The following FDPS variants were observed in gnomAD, a reference collection of about 807,000 sequenced individuals.
FDPS encodes farnesyl diphosphate synthase, also known as farnesyl pyrophosphate synthase.
Under a neutral mutation model 49.5 loss-of-function variants are expected in FDPS, and 29 were observed. The ratio of observed to expected loss-of-function variants is 0.59; its 90% CI spans 0.44 to 0.80. FDPS has a LOEUF of 0.80. Among genes scored for constraint, FDPS ranks in the 30% least tolerant of loss-of-function variants. The pLI is 0.00. For missense variants in FDPS, 414 were observed against 525.6 expected (o/e 0.79, Z 2.08); for synonymous variants, 172 against 206.4 (o/e 0.83, Z 1.43).
At chr1:155,314,491 T>TA (rs1305393962) in intron 4 of FDPS, among the ~76,000 whole-genome samples, 1 of 152,038 alleles carries the variant, frequency 6.6e-6, no homozygotes, top group Non-Finnish European at 1.5e-5. Context: ...AATTTTTTTT[T>TA]AGAGACAAAG....
At position 155,319,539 on chromosome 1, in the gene FDPS, C is replaced by G. The variant is rs1345416331; in HGVS notation, c.847-72C>G. Reference sequence around the variant, plus strand: ...TTTGGGGCTGCAGTAGGGCAAGACCCCATGGGAGGAAGCAGCCAGGAAGAT... The same window carrying G: ...TTTGGGGCTGCAGTAGGGCAAGACCGCATGGGAGGAAGCAGCCAGGAAGAT... On this transcript the variant is annotated intron_variant, in intron 8 of 10. Coordinates refer to ENST00000368356, the MANE Select transcript of FDPS (RefSeq NM_002004.4). 7.9e-6 allele frequency: 12 copies of G among 1,512,626 alleles called. No individual in the cohort carries two copies. The East Asian group carries it at 2.7e-4, about 34-fold the overall frequency. 93.7% of individuals were successfully genotyped at this position (1,512,626 alleles called of 1,614,324 possible). A position where few individuals can be genotyped will look rare whatever the true frequency, so the allele number is the denominator to read the frequency against.
intron 4 of FDPS, 25 bp from the exon 5 acceptor site, chr1:155,317,916 G>T (rs1269913655): frequency 6.3e-7 from 1 of 1,599,516 alleles, no homozygotes; most frequent in Non-Finnish European, 8.6e-7. Flanking sequence ...GAGGAGCCCT[G>T]CAGGTCTTAT....
At chr1:155,314,560 G>A (rs1649120718) in intron 4 of FDPS, among the ~76,000 whole-genome samples, 1 of 151,154 alleles carries the variant, frequency 6.6e-6, no homozygotes, top group East Asian at 1.9e-4. Flanking sequence ...CTGTAGCCTC[G>A]ACCTCCTGGG....
chr1:155,309,899 A>C lies in FDPS; in HGVS notation c.110A>C (p.His37Pro), dbSNP rs966260109. The change falls in exon 2 of 11, where the codon CAC becomes CCC. Residue 37 changes from histidine to proline, a missense_variant. Physicochemically the swap from His to Pro is moderately conservative, Grantham distance 77 (BLOSUM62 -2). Coordinates refer to ENST00000368356, the MANE Select transcript of FDPS (RefSeq NM_002004.4). ...TCCCTACGGCGGCCCTCCCTGGTGC[A>C]CGGGTACCCAGTCCTGGCCTGGCAC... ...LGSLRRPSLV[H>P]GYPVLAWHSA... 1 of 1,596,860 alleles carries C rather than the reference A, an allele frequency of 6.3e-7. No homozygotes were observed. The highest frequency in any genetic ancestry group is 8.5e-7 in the Non-Finnish European group (1 of 1,170,724).
In FDPS at chr1:155,318,044, A is replaced by C. The variant is rs1649675752; in HGVS notation, c.561+23A>C. 1.2e-6 allele frequency: 2 copies of C among 1,613,440 alleles called. No individual in the cohort carries two copies. The highest frequency in any genetic ancestry group is 8.5e-7 in the Non-Finnish European group (1 of 1,179,396). ...AAGGTAATGTGGGCAGGAAAATAGCAGTGGGTATGGGGACAGGCCACAGGG... is the reference window on the plus strand; with the variant it reads ...AAGGTAATGTGGGCAGGAAAATAGCCGTGGGTATGGGGACAGGCCACAGGG... On this transcript the variant is annotated intron_variant, in intron 5 of 10. Coordinates refer to ENST00000368356, the MANE Select transcript of FDPS (RefSeq NM_002004.4). The surrounding 1 kb of genome is among the most constrained non-coding windows in gnomAD (Gnocchi z 4.2).
chr1:155,309,765 G>T (rs774086411), intron 1 of FDPS, 24 bp from the exon 2 acceptor site: 3 of 1,510,716 alleles, frequency 2.0e-6, no homozygotes, highest in African/African-American at 1.4e-5. Flanking sequence ...AGTGCTTAGT[G>T]CCCCCTCCCT....
At chr1:155,319,038 C>G (rs1012054378) in intron 8 of FDPS, 110 bp downstream of exon 8, 1 of 805,606 alleles carries the variant, frequency 1.2e-6, no homozygotes, top group Non-Finnish European at 2.1e-6. Context: ...ACTGTGTGAC[C>G]TTGAGCAAGT....
At chr1:155,317,793 G>C in intron 4 of FDPS, 148 bp from the exon 5 acceptor site, 1 of 622,076 alleles carries the variant, frequency 1.6e-6, no homozygotes, top group Non-Finnish European at 2.8e-6. Flanking sequence ...ACAGTGAGCT[G>C]TGACTGCACC....
rs975844075 is a variant in FDPS at position 155,318,798 on chromosome 1, G to C, written c.773+45G>C. On this transcript the variant is annotated intron_variant, in intron 7 of 10. Coordinates refer to ENST00000368356, the MANE Select transcript of FDPS (RefSeq NM_002004.4). This position sits in a 1 kb window ranked among gnomAD's most constrained non-coding sequence, Gnocchi z 4.2. ...AGCGCGAACCATGTCTGGACAGCGA[G>C]GGAGGGCTCAGGATGTGCATTGCCC... 1.4e-5 allele frequency: 23 copies of C among 1,587,216 alleles called. No homozygotes were observed. The highest frequency in any genetic ancestry group is 1.7e-5 in the Non-Finnish European group (20 of 1,155,736).
At position 155,319,693 on chromosome 1, in the gene FDPS, G is replaced by A; in HGVS notation, c.924+5G>A. On this transcript the variant is annotated splice_donor_5th_base_variant and intron_variant, in intron 9 of 10. Transcript: ENST00000368356. ...GGGGAGTTCTTTCAGATTCAGGTAA[G>A]AAGGCAGGAGGCAGTAGCAGAGAAC... is the stretch of plus-strand genomic sequence containing the variant. 1 of 1,614,228 alleles carries A rather than the reference G, an allele frequency of 6.2e-7. No individual in the cohort carries two copies. Among genetic ancestry groups the A allele is most frequent in the Non-Finnish European group, 8.5e-7 (1 of 1,180,042 alleles).
chr1:155,310,558 A>C, intron 3 of FDPS: 1 of 215,448 alleles, frequency 4.6e-6, no homozygotes, highest in South Asian at 6.8e-5. Context: ...TGATCCACCC[A>C]CCTCGGCCTC....
chr1:155,310,126 T>C lies in FDPS; in HGVS notation c.260T>C (p.Phe87Ser), dbSNP rs1648638644. 1.2e-6 allele frequency: 2 copies of C among 1,613,872 alleles called. No individual in the cohort carries two copies. The highest frequency in any genetic ancestry group is 4.5e-5 in the East Asian group (2 of 44,890). Reference protein sequence around the residue: ...AQEKQDFVQHFSQIVRVLTED... With the variant: ...AQEKQDFVQHSSQIVRVLTED... The stretch of plus-strand genomic sequence containing the variant: ...GAAAAGCAGGATTTCGTTCAGCACT[T>C]CTCCCAGATCGTTAGGGTGCTGACT... The change falls in exon 3 of 11, where the codon TTC (phenylalanine) becomes TCC (serine). Residue 87 changes from phenylalanine to serine, a missense_variant. By Grantham distance (155) the Phe-to-Ser change is radical (BLOSUM62 -2). Transcript: ENST00000368356.
intron 3 of FDPS, among the ~76,000 whole-genome samples, chr1:155,310,763 G>C (rs981527741): frequency 2.0e-5 from 3 of 152,118 alleles, no homozygotes; most frequent in Admixed American, 6.5e-5. Context: ...CTTGAACCTG[G>C]CAAGTCTTAG....
At chr1:155,319,180 ATGGATAGGAGTG>A (rs1211292274) in intron 8 of FDPS, among the ~76,000 whole-genome samples, 18 of 152,232 alleles carry the variant, frequency 1.2e-4, no homozygotes, top group Non-Finnish European at 2.6e-4. Context: ...GTATCTGAGT[ATGGATAGGAGTG>A]TGGAGATCAT....
chr1:155,320,362 C>A, intron 10 of FDPS, 47 bp from the exon 11 acceptor site: 1 of 1,531,786 alleles, frequency 6.5e-7, no homozygotes, highest in Non-Finnish European at 8.9e-7. Context: ...GTCCTGGAGG[C>A]TCTGGGGAAG....
intron 3 of FDPS, chr1:155,310,575 T>C: frequency 4.7e-6 from 1 of 212,310 alleles, no homozygotes; most frequent in Non-Finnish European, 9.6e-6. Context: ...CCTCCCAAAG[T>C]GCTGGGATTA....
At chr1:155,319,069 C>A in intron 8 of FDPS, 141 bp downstream of exon 8, 1 of 669,664 alleles carries the variant, frequency 1.5e-6, no homozygotes, top group Non-Finnish European at 2.7e-6. Flanking sequence ...CAGTCTCTTT[C>A]CTCAGCTGGG....
At position 155,318,389 on chromosome 1, in the gene FDPS, C is replaced by T; in HGVS notation, c.684+98C>T. On this transcript the variant is annotated intron_variant, in intron 6 of 10. Coordinates refer to ENST00000368356, the MANE Select transcript of FDPS (RefSeq NM_002004.4). The surrounding 1 kb of genome is among the most constrained non-coding windows in gnomAD (Gnocchi z 4.2). ...TAGCTGGTTTCAGGGTACAGGATTG[C>T]AGCGTGCCTGGAAGGGAAAGAAAGC... The T allele has an allele frequency of 1.3e-6, 2 of 1,492,628 alleles. No homozygotes were observed. Among genetic ancestry groups the T allele is most frequent in the Non-Finnish European group, 1.8e-6 (2 of 1,091,234 alleles). 92.5% of individuals were successfully genotyped at this position (1,492,628 alleles called of 1,614,324 possible). A position where few individuals can be genotyped will look rare whatever the true frequency, so the allele number is the denominator to read the frequency against.
At chr1:155,309,572 G>A in intron 1 of FDPS, 1 of 486,088 alleles carries the variant, frequency 2.1e-6, no homozygotes, top group South Asian at 4.1e-5. Flanking sequence ...CCTGTTTATT[G>A]TAAGTGGTGA....
Sources: allele counts gnomAD v4.1 joint callset (sites outside exome capture counted in the v4.1 genomes callset), GRCh38; gene constraint gnomAD v4.1.1; non-coding constraint Gnocchi (gnomAD v3.1); transcripts MANE v1.5; gene names NCBI Gene and HGNC (gene_info 2026-07-23, HGNC 2026-07-21).